Variants in NFXL1 observed in about 807,000 individuals in gnomAD.
NFXL1 encodes the protein nuclear transcription factor, X-box binding like 1.
A neutral mutation model predicts 123.3 loss-of-function variants in NFXL1; 66 were observed. That is an observed-to-expected ratio of 0.54 (90% CI 0.44 to 0.66). The LOEUF is 0.66. NFXL1 is among the 30% of genes least tolerant of loss of function. The pLI, the probability that NFXL1 is intolerant of heterozygous loss-of-function variation, is 0.00. For synonymous variants in NFXL1, 346 were observed against 360.8 expected, an observed-to-expected ratio of 0.96 and a Z score of 0.46; for missense variants, 944 against 1,125.6, an observed-to-expected ratio of 0.84 and a Z score of 2.31.
intron 2 of NFXL1, among the ~76,000 whole-genome samples, chr4:47,911,603 CAT>C (rs951051498): frequency 3.3e-5 from 5 of 152,224 alleles, no homozygotes; most frequent in African/African-American, 1.2e-4. Flanking sequence ...CACAAAAAAA[CAT>C]ATTTTACATT....
intron 8 of NFXL1, 129 bp downstream of exon 8, chr4:47,898,628 T>A: frequency 1.6e-6 from 1 of 630,286 alleles, no homozygotes; most frequent in East Asian, 2.8e-5. Context: ...AAACATGATA[T>A]AATTCATCTG....
At chr4:47,849,032 A>G (rs1733970745) in intron 22 of NFXL1, among the ~76,000 whole-genome samples, 1 of 152,240 alleles carries the variant, frequency 6.6e-6, no homozygotes, top group Non-Finnish European at 1.5e-5. Flanking sequence ...GCTTCTAGCA[A>G]GTGCTGTGAT....
chr4:47,867,257 A>T (rs1237084145), intron 18 of NFXL1, among the ~76,000 whole-genome samples: 1 of 152,076 alleles, frequency 6.6e-6, no homozygotes, highest in Non-Finnish European at 1.5e-5. Flanking sequence ...AAAAATTAAG[A>T]TAAAATTACA....
chr4:47,864,568 G>A (rs917569869), intron 18 of NFXL1, among the ~76,000 whole-genome samples: 1 of 152,014 alleles, frequency 6.6e-6, no homozygotes, highest in Admixed American at 6.6e-5. Context: ...TTCCCTACTC[G>A]GTCTATAATT....
chr4:47,877,599 C>CT (rs562911521), intron 17 of NFXL1, among the ~76,000 whole-genome samples: 15 of 152,084 alleles, frequency 9.9e-5, no homozygotes, highest in Non-Finnish European at 1.9e-4. Context: ...ATTCTAGCAT[C>CT]TTTTTTGTTT....
At chr4:47,879,627 A>G (rs1735960082) in intron 15 of NFXL1, among the ~76,000 whole-genome samples, 1 of 152,170 alleles carries the variant, frequency 6.6e-6, no homozygotes, top group South Asian at 2.1e-4. Flanking sequence ...ACACAATACA[A>G]AAGAAAGCAA....
chr4:47,902,648 T>C (rs1737398305), intron 5 of NFXL1, among the ~76,000 whole-genome samples: 1 of 152,138 alleles, frequency 6.6e-6, no homozygotes, highest in Non-Finnish European at 1.5e-5. Flanking sequence ...CAAAGGATAA[T>C]TAAGGAATTG....
At chr4:47,848,666 G>A (rs1733946061) in intron 22 of NFXL1, among the ~76,000 whole-genome samples, 1 of 151,978 alleles carries the variant, frequency 6.6e-6, no homozygotes, top group South Asian at 2.1e-4. Context: ...GAGGCAGGCG[G>A]GTCACAAGGT....
intron 20 of NFXL1, among the ~76,000 whole-genome samples, chr4:47,852,683 C>T (rs1457059140): frequency 1.3e-5 from 2 of 152,044 alleles, no homozygotes; most frequent in Non-Finnish European, 2.9e-5. Context: ...TTCTGTACTA[C>T]GACAGAATAA....
At chr4:47,910,719 T>C (rs769433018) in intron 3 of NFXL1, 105 bp downstream of exon 3, 1 of 623,920 alleles carries the variant, frequency 1.6e-6, no homozygotes. Context: ...ACAGTGCTCA[T>C]CTTAAGATAT....
At chr4:47,905,972 G>A (rs769329753) in intron 3 of NFXL1, among the ~76,000 whole-genome samples, 7 of 152,050 alleles carry the variant, frequency 4.6e-5, no homozygotes, top group South Asian at 2.1e-4. Flanking sequence ...GCTAGACACC[G>A]TACTATTAGT....
intron 15 of NFXL1, among the ~76,000 whole-genome samples, chr4:47,879,944 T>C (rs533854728): frequency 2.0e-5 from 3 of 152,200 alleles, no homozygotes; most frequent in South Asian, 2.1e-4. Flanking sequence ...CAGCTCTAAA[T>C]GTAAAATGCA....
chr4:47,894,145 T>C, intron 11 of NFXL1, 35 bp downstream of exon 11: 1 of 1,547,416 alleles, frequency 6.5e-7, no homozygotes, highest in South Asian at 1.2e-5. Context: ...CAATATAGTC[T>C]TTAAATCAGA....
chr4:47,858,913 T>G (rs964431444), intron 19 of NFXL1, among the ~76,000 whole-genome samples: 13 of 152,228 alleles, frequency 8.5e-5, no homozygotes, highest in African/African-American at 2.9e-4. Flanking sequence ...CTTAAAAAAA[T>G]TAAATCATGT....
chr4:47,891,114 C>CTTTTTTTTTTTT (rs374093120), intron 11 of NFXL1, among the ~76,000 whole-genome samples: 1 of 140,002 alleles, frequency 7.1e-6, no homozygotes, highest in Non-Finnish European at 1.5e-5. Context: ...TTCTTTTTTT[C>CTTTTTTTTTTTT]TTTTTTTTTT....
At chr4:47,853,602 T>A (rs1260920672) in intron 20 of NFXL1, among the ~76,000 whole-genome samples, 1 of 152,032 alleles carries the variant, frequency 6.6e-6, no homozygotes, top group Non-Finnish European at 1.5e-5. Context: ...AGCAGGATTC[T>A]AGTAAGCAGA....
In NFXL1 at chr4:47,875,110, T is replaced by C; in HGVS notation, c.2246+17A>G. ...ACTAATTGTAATAAAATAAGACTTT[T>C]TTTTCAGTCTACTTACCTACATTCC... On this transcript the variant is annotated intron_variant, in intron 18 of 22. Transcript: ENST00000507489. 6.5e-7 allele frequency: 1 copy of C among 1,547,450 alleles called. No individual in the cohort carries two copies. The highest frequency in any genetic ancestry group is 8.9e-7 in the Non-Finnish European group (1 of 1,126,856).
At chr4:47,867,495 G>GA (rs1735172675) in intron 18 of NFXL1, among the ~76,000 whole-genome samples, 1 of 152,012 alleles carries the variant, frequency 6.6e-6, no homozygotes, top group African/African-American at 2.4e-5. Context: ...CAAAATAAAT[G>GA]AAACAGATCT....
At chr4:47,877,718 T>A (rs563597023) in intron 17 of NFXL1, among the ~76,000 whole-genome samples, 11 of 152,210 alleles carry the variant, frequency 7.2e-5, no homozygotes, top group African/African-American at 2.2e-4. Context: ...TGTTGTCATG[T>A]ATTATAAATT....
Sources: gnomAD v4.1 joint callset for allele counts (sites outside exome capture counted in the v4.1 genomes callset) on GRCh38, gnomAD v4.1.1 for gene constraint, MANE v1.5 for transcripts, NCBI Gene and HGNC (gene_info 2026-07-23, HGNC 2026-07-21) for gene names.